CNTNAP5: variants seen among roughly 807,000 people sequenced by gnomAD.
CNTNAP5 encodes contactin associated protein family member 5, also known as contactin-associated protein-like 5.
Under a neutral mutation model 150.2 loss-of-function variants are expected in CNTNAP5, and 72 were observed. The observed-to-expected ratio is 0.48, with a 90% CI of 0.40 to 0.58. The LOEUF is 0.58. CNTNAP5 is among the 20% of genes least tolerant of loss of function. The pLI is 0.00. For synonymous variants in CNTNAP5, 672 were observed against 619.8 expected (o/e 1.08, Z -1.25); for missense variants, 1,636 against 1,626.2 (o/e 1.01, Z -0.10).
chr2:124,583,242 C>T (rs2104951010), intron 11 of CNTNAP5, among the ~76,000 whole-genome samples: 1 of 152,314 alleles, frequency 6.6e-6, no homozygotes, highest in Admixed American at 6.5e-5. Context: ...CACCATTTTT[C>T]TCTGATGCTG....
At chr2:124,697,847 A>T (rs1299749240) in intron 13 of CNTNAP5, among the ~76,000 whole-genome samples, 2 of 152,162 alleles carry the variant, frequency 1.3e-5, no homozygotes, top group African/African-American at 4.8e-5. Flanking sequence ...GCATTAATTA[A>T]TTATTACATT....
Position 124,143,891 on chromosome 2 carries a change from C to A in CNTNAP5, c.83-77814C>A, listed in dbSNP as rs1260316323. On this transcript the variant is annotated intron_variant, in intron 1 of 23. Transcript: ENST00000682447. ...ATGACATGATTGTTTATCTAGAAAA[C>A]CCCATCATCTCAGCCCAAAATCTCC... Among the ~76,000 whole-genome samples, 143 of 113,306 alleles carry A rather than the reference C, an allele frequency of 1.3e-3. 3 individuals carry two copies. The highest frequency in any genetic ancestry group is 5.0e-3 in the African/African-American group (136 of 27,414). 74.3% of individuals were successfully genotyped at this position (113,306 alleles called of 152,430 possible). A position where few individuals can be genotyped will look rare whatever the true frequency, so the allele number is the denominator to read the frequency against.
At chr2:124,740,641 T>C (rs1437074951) in intron 13 of CNTNAP5, among the ~76,000 whole-genome samples, 1 of 152,236 alleles carries the variant, frequency 6.6e-6, no homozygotes, top group Non-Finnish European at 1.5e-5. Context: ...TTATAACCCC[T>C]ACAGAATTTA....
intron 19 of CNTNAP5, among the ~76,000 whole-genome samples, chr2:124,809,095 T>C (rs948714161): frequency 6.6e-6 from 1 of 151,864 alleles, no homozygotes; most frequent in Non-Finnish European, 1.5e-5. Flanking sequence ...TTGAAAAAAA[T>C]ACTTTACCCA....
intron 7 of CNTNAP5, among the ~76,000 whole-genome samples, chr2:124,489,149 G>A (rs367841940): frequency 6.6e-6 from 1 of 152,130 alleles, no homozygotes; most frequent in African/African-American, 2.4e-5. Context: ...TCAACTCAGC[G>A]GTTTCATTAA....
chr2:124,151,721 T>C (rs556058592), intron 1 of CNTNAP5, among the ~76,000 whole-genome samples: 1 of 152,364 alleles, frequency 6.6e-6, no homozygotes, highest in Admixed American at 6.5e-5. Flanking sequence ...CGTGTAAAGA[T>C]AATTCACCCC....
At chr2:124,192,494 C>T (rs1573823969) in intron 1 of CNTNAP5, among the ~76,000 whole-genome samples, 1 of 152,144 alleles carries the variant, frequency 6.6e-6, no homozygotes, top group Non-Finnish European at 1.5e-5. Flanking sequence ...CCCCCCAAAC[C>T]ATGCGTCTGA....
intron 13 of CNTNAP5, among the ~76,000 whole-genome samples, chr2:124,725,749 A>G (rs1680145261): frequency 6.6e-6 from 1 of 151,896 alleles, no homozygotes; most frequent in Non-Finnish European, 1.5e-5. Context: ...GGAAACTACC[A>G]TTCTACTCTC....
chr2:124,142,514 C>G (rs1684141427), intron 1 of CNTNAP5, among the ~76,000 whole-genome samples: 1 of 145,022 alleles, frequency 6.9e-6, no homozygotes, highest in Non-Finnish European at 1.5e-5. Context: ...TACATGGAAA[C>G]TGAACAACCT....
intron 17 of CNTNAP5, among the ~76,000 whole-genome samples, chr2:124,775,957 C>A (rs1389600686): frequency 1.3e-5 from 2 of 152,090 alleles, no homozygotes; most frequent in African/African-American, 4.8e-5. Flanking sequence ...TGGTCAGATG[C>A]CAACAAGCCA....
At chr2:124,812,644 A>C (rs1366092609) in intron 19 of CNTNAP5, among the ~76,000 whole-genome samples, 1 of 152,136 alleles carries the variant, frequency 6.6e-6, no homozygotes, top group African/African-American at 2.4e-5. Context: ...TAACTCAGAC[A>C]TTCCTTTCTA....
At chr2:124,124,409 T>G (rs1683637486) in intron 1 of CNTNAP5, among the ~76,000 whole-genome samples, 1 of 152,156 alleles carries the variant, frequency 6.6e-6, no homozygotes, top group Non-Finnish European at 1.5e-5. Flanking sequence ...AATATGGGAC[T>G]ATGTGAAAAG....
intron 1 of CNTNAP5, among the ~76,000 whole-genome samples, chr2:124,216,872 C>T (rs1686171496): frequency 6.6e-6 from 1 of 152,078 alleles, no homozygotes; most frequent in Admixed American, 6.6e-5. Context: ...GTCTTTATAG[C>T]AGCATGATTT....
At chr2:124,030,930 G>A (rs72845439) in intron 1 of CNTNAP5, among the ~76,000 whole-genome samples, 5,520 of 152,128 alleles carry the variant, frequency 0.036, 99 homozygotes, top group Non-Finnish European at 0.042. Context: ...TAGTAGTTAT[G>A]AATTCCTTGT....
intron 13 of CNTNAP5, among the ~76,000 whole-genome samples, chr2:124,655,995 G>GA (rs1234080311): frequency 7.7e-6 from 1 of 129,480 alleles, no homozygotes; most frequent in African/African-American, 2.9e-5. Context: ...AAGAAAGAAA[G>GA]AAAAAAGGAA....
At chr2:124,673,947 A>G (rs1678874615) in intron 13 of CNTNAP5, among the ~76,000 whole-genome samples, 1 of 152,090 alleles carries the variant, frequency 6.6e-6, no homozygotes. Flanking sequence ...TATCACCACA[A>G]TTTAATTTTA....
chr2:124,847,316 C>T (rs1352452459), intron 19 of CNTNAP5, among the ~76,000 whole-genome samples: 2 of 152,120 alleles, frequency 1.3e-5, no homozygotes, highest in Admixed American at 1.3e-4. Flanking sequence ...GGTGTGACTT[C>T]GAGTCCAATG....
At chr2:124,492,464 G>A (rs1303138744) in intron 7 of CNTNAP5, among the ~76,000 whole-genome samples, 1 of 152,242 alleles carries the variant, frequency 6.6e-6, no homozygotes, top group South Asian at 2.1e-4. Context: ...GCATCATACT[G>A]TTCTGAGTCC....
intron 11 of CNTNAP5, among the ~76,000 whole-genome samples, chr2:124,607,805 G>A (rs1371053463): frequency 6.6e-6 from 1 of 152,170 alleles, no homozygotes; most frequent in African/African-American, 2.4e-5. Context: ...ATGTGGGAGT[G>A]GTTGGGAGGT....
Sources: gnomAD v4.1 joint callset for allele counts (sites outside exome capture counted in the v4.1 genomes callset) on GRCh38, gnomAD v4.1.1 for gene constraint, MANE v1.5 for transcripts, NCBI Gene and HGNC (gene_info 2026-07-23, HGNC 2026-07-21) for gene names.